Variants in PTPN3 observed in about 807,000 individuals in gnomAD.
The protein encoded by PTPN3 is protein tyrosine phosphatase non-receptor type 3, also known as tyrosine-protein phosphatase non-receptor type 3.
A neutral mutation model predicts 132.7 loss-of-function variants in PTPN3; 96 were observed. The ratio of observed to expected loss-of-function variants is 0.72; its 90% CI spans 0.61 to 0.86. PTPN3 has a LOEUF of 0.86. PTPN3 is among the 40% of genes least tolerant of loss of function. The pLI is 0.00. For synonymous variants in PTPN3, 398 were observed against 429.0 expected (o/e 0.93, Z 0.89); for missense variants, 1,125 against 1,159.6 (o/e 0.97, Z 0.43).
chr9:109,485,509 A>G (rs1847167695), intron 1 of PTPN3, among the ~76,000 whole-genome samples: 1 of 151,424 alleles, frequency 6.6e-6, no homozygotes, highest in Non-Finnish European at 1.5e-5. Context: ...CTACGTCTCA[A>G]GAAAAAAATA....
rs1232964403 is a variant in PTPN3 at position 109,392,174 on chromosome 9, C to A, written c.1954-613G>T. ...TGTATGGTATCTGATGTGATTTTCA[C>A]AACAGCCCTGTAAGAGATATTAATT... On this transcript the variant is annotated intron_variant, in intron 19 of 25. Transcript: ENST00000374541. Among the ~76,000 whole-genome samples, 3 of 152,286 alleles carry A rather than the reference C, an allele frequency of 2.0e-5. 1 individual carries two copies. Among genetic ancestry groups the A allele is most frequent in the South Asian group, 4.1e-4 (2 of 4,830 alleles).
intron 7 of PTPN3, among the ~76,000 whole-genome samples, chr9:109,443,139 G>C (rs1312992830): frequency 6.7e-6 from 1 of 148,310 alleles, no homozygotes; most frequent in Non-Finnish European, 1.5e-5. Flanking sequence ...GCAATGGCAT[G>C]ATTATGGCTC....
At chr9:109,508,485 A>C in the PTPN3 span, among the ~76,000 whole-genome samples, 2 of 152,086 alleles carry the variant, frequency 1.3e-5, no homozygotes, top group Non-Finnish European at 2.9e-5. Context: ...TATGCTTCTC[A>C]TCACATTTTG....
intron 14 of PTPN3, among the ~76,000 whole-genome samples, chr9:109,411,029 AGTTATAT>A (rs1359006750): frequency 6.6e-6 from 1 of 152,150 alleles, no homozygotes; most frequent in African/African-American, 2.4e-5. Context: ...GGTAGCCACT[AGTTATAT>A]GTGGCTACTT....
At chr9:109,487,278 G>C (rs1407487702) in intron 1 of PTPN3, among the ~76,000 whole-genome samples, 1 of 152,250 alleles carries the variant, frequency 6.6e-6, no homozygotes, top group Non-Finnish European at 1.5e-5. Context: ...GCTGAGATAT[G>C]AGAACCTGCC....
the PTPN3 span, among the ~76,000 whole-genome samples, chr9:109,510,576 A>AAAAAAAAAAAAAATATAT: frequency 4.2e-5 from 2 of 47,326 alleles, no homozygotes; most frequent in African/African-American, 1.5e-4. Context: ...AAAAAAAAAA[A>AAAAAAAAAAAAAATATAT]ATATATATAT....
chr9:109,451,087 G>A, intron 5 of PTPN3: 3 of 972,080 alleles, frequency 3.1e-6, no homozygotes, highest in Non-Finnish European at 3.7e-6. Flanking sequence ...GTAGAAGCCT[G>A]GTCCAAGATA....
chr9:109,460,973 G>A (rs934028415), intron 2 of PTPN3, among the ~76,000 whole-genome samples: 3 of 152,162 alleles, frequency 2.0e-5, no homozygotes, highest in African/African-American at 4.8e-5. Context: ...TCAGGAAGAG[G>A]ATAAACGGTT....
intron 5 of PTPN3, chr9:109,450,236 T>C (rs1845161197): frequency 1.0e-6 from 1 of 985,230 alleles, no homozygotes; most frequent in African/African-American, 1.7e-5. Flanking sequence ...CATTTGCTGA[T>C]TCACACCTAT....
intron 10 of PTPN3, among the ~76,000 whole-genome samples, chr9:109,432,420 C>T (rs956603803): frequency 2.6e-4 from 40 of 152,290 alleles, no homozygotes; most frequent in African/African-American, 9.4e-4. Context: ...TCTCCTGTAC[C>T]TTCCTGGCAA....
intron 22 of PTPN3, among the ~76,000 whole-genome samples, chr9:109,387,361 T>C (rs1195850048): frequency 6.6e-6 from 1 of 152,182 alleles, no homozygotes; most frequent in South Asian, 2.1e-4. Flanking sequence ...GTTTAACAGA[T>C]AACAAGAGCA....
At chr9:109,478,631 G>T (rs1846806673) in intron 1 of PTPN3, among the ~76,000 whole-genome samples, 1 of 152,220 alleles carries the variant, frequency 6.6e-6, no homozygotes, top group African/African-American at 2.4e-5. Flanking sequence ...ACCTAGAGGA[G>T]GATGGCTAAA....
At chr9:109,401,160 A>G (rs1841058111) in intron 19 of PTPN3, among the ~76,000 whole-genome samples, 1 of 152,266 alleles carries the variant, frequency 6.6e-6, no homozygotes, top group Admixed American at 6.5e-5. Context: ...GCTAAAACGC[A>G]ACCCTAAAAT....
chr9:109,497,954 C>A (rs1260162219), intron 1 of PTPN3, among the ~76,000 whole-genome samples: 1 of 146,604 alleles, frequency 6.8e-6, no homozygotes, highest in Non-Finnish European at 1.5e-5. Context: ...CGCCGCGTCC[C>A]GGCCGCCAGC....
At chr9:109,502,098 A>G (rs533078817), upstream of PTPN3, among the ~76,000 whole-genome samples, 7 of 152,376 alleles carry the variant, frequency 4.6e-5, no homozygotes, top group Admixed American at 2.6e-4. Flanking sequence ...ATCACAGGTA[A>G]TGGACCAGAT....
the PTPN3 span, among the ~76,000 whole-genome samples, chr9:109,530,439 T>A: frequency 2.6e-5 from 4 of 152,248 alleles, no homozygotes; most frequent in African/African-American, 9.6e-5. Context: ...CATTTATGAA[T>A]ATACCATATT....
chr9:109,536,534 A>T, the PTPN3 span, among the ~76,000 whole-genome samples: 1 of 152,256 alleles, frequency 6.6e-6, no homozygotes. Context: ...TATGTATCCA[A>T]GGGCAAGGAC....
chr9:109,510,576 A>C, the PTPN3 span, among the ~76,000 whole-genome samples: 3 of 47,328 alleles, frequency 6.3e-5, no homozygotes, highest in East Asian at 8.5e-4. Flanking sequence ...AAAAAAAAAA[A>C]ATATATATAT....
chr9:109,469,399 A>T (rs544624912), intron 1 of PTPN3, among the ~76,000 whole-genome samples: 1 of 152,326 alleles, frequency 6.6e-6, no homozygotes, highest in South Asian at 2.1e-4. Context: ...TGGGCAGATC[A>T]CCTGAGGTCA....
Sources: allele counts gnomAD v4.1 joint callset (sites outside exome capture counted in the v4.1 genomes callset), GRCh38; gene constraint gnomAD v4.1.1; transcripts MANE v1.5; gene names NCBI Gene and HGNC (gene_info 2026-07-23, HGNC 2026-07-21).